The following DSCAML1 variants were observed in gnomAD, a reference collection of about 807,000 sequenced individuals.
DSCAML1 encodes cell adhesion molecule DSCAML1.
DSCAML1 carries 38 observed loss-of-function variants against 200.5 expected under a neutral mutation model. That is an observed-to-expected ratio of 0.19 (90% CI 0.15 to 0.25). The LOEUF (loss-of-function observed/expected upper bound fraction) is 0.25, where lower values mean the gene tolerates loss of function less well. DSCAML1 is among the 10% of genes least tolerant of loss of function. DSCAML1 has a pLI of 1.00. For missense variants in DSCAML1, 2,223 were observed against 2,858.8 expected (o/e 0.78, Z 5.07); for synonymous variants, 1,215 against 1,165.0 (o/e 1.04, Z -0.87).
At chr11:117,593,056 G>A (rs970587128) in intron 3 of DSCAML1, among the ~76,000 whole-genome samples, 1 of 152,272 alleles carries the variant, frequency 6.6e-6, no homozygotes, top group African/African-American at 2.4e-5. Context: ...ATCTGGCACA[G>A]TTCCTGGCAC....
chr11:117,711,548 T>C (rs6589619), intron 3 of DSCAML1, among the ~76,000 whole-genome samples: 125,687 of 152,182 alleles, frequency 0.83, 54,056 homozygotes, highest in Non-Finnish European at 0.94. Flanking sequence ...ACCGGGGACA[T>C]GTCTGGCAGT....
At chr11:117,716,487 C>T (rs371161100) in intron 3 of DSCAML1, among the ~76,000 whole-genome samples, 2 of 152,182 alleles carry the variant, frequency 1.3e-5, no homozygotes, top group Non-Finnish European at 2.9e-5. Context: ...GTCCCTGAGA[C>T]ACACTGTAGC....
At chr11:117,689,796 C>A (rs951821169) in intron 3 of DSCAML1, among the ~76,000 whole-genome samples, 1 of 152,234 alleles carries the variant, frequency 6.6e-6, no homozygotes, top group African/African-American at 2.4e-5. Flanking sequence ...TCACATTCTC[C>A]TGGAGGATAG....
intron 1 of DSCAML1, among the ~76,000 whole-genome samples, chr11:117,814,351 A>T (rs1314416043): frequency 6.6e-6 from 1 of 152,222 alleles, no homozygotes; most frequent in Non-Finnish European, 1.5e-5. Context: ...ATAATTGGCT[A>T]AGCCAGGGCT....
chr11:117,657,466 T>C (rs545284244), intron 3 of DSCAML1, among the ~76,000 whole-genome samples: 1 of 152,374 alleles, frequency 6.6e-6, no homozygotes, highest in African/African-American at 2.4e-5. Context: ...GTGTCTCTCC[T>C]GCCACAAGTC....
intron 4 of DSCAML1, among the ~76,000 whole-genome samples, chr11:117,531,935 G>GGGA (rs2050085715): frequency 1.1e-5 from 1 of 95,214 alleles, no homozygotes; most frequent in Non-Finnish European, 2.2e-5. Context: ...GAAGGGAGGA[G>GGGA]GGAGGAGGGA....
chr11:117,643,759 A>G (rs965754729), intron 3 of DSCAML1, among the ~76,000 whole-genome samples: 22 of 152,100 alleles, frequency 1.4e-4, no homozygotes, highest in African/African-American at 5.3e-4. Context: ...TCTCGCCACC[A>G]GCACTTATAC....
rs2052388695 is a variant in DSCAML1, at chr11:117,640,685, C to CT, written c.512-108164_512-108163insA. Among the ~76,000 whole-genome samples the CT allele has an allele frequency of 2.0e-5, 3 of 152,204 alleles. No individual in the cohort carries two copies. In the South Asian group the frequency reaches 6.2e-4, roughly 31 times the overall value. On this transcript the variant is annotated intron_variant, in intron 3 of 32. Coordinates refer to ENST00000651296, the MANE Select transcript of DSCAML1 (RefSeq NM_020693.4). ...CATGGTCCAAATCACCATTTTCTTT[C>CT]ACGTGGTGCTTGCAAACGCCTCTTC...
chr11:117,676,444 T>C (rs115472906), intron 3 of DSCAML1, among the ~76,000 whole-genome samples: 1,568 of 152,286 alleles, frequency 0.01, 25 homozygotes, highest in African/African-American at 0.035. Context: ...CTGGGAGATA[T>C]CTGGTTTCTC....
intron 3 of DSCAML1, among the ~76,000 whole-genome samples, chr11:117,732,905 A>G (rs1437681352): frequency 6.6e-6 from 1 of 152,164 alleles, no homozygotes; most frequent in Admixed American, 6.5e-5. Context: ...ATAATAACAA[A>G]AAAAAATTAT....
intron 5 of DSCAML1, among the ~76,000 whole-genome samples, 156 bp from the exon 6 acceptor site, chr11:117,521,561 C>A (rs1050379327): frequency 1.3e-5 from 2 of 152,266 alleles, no homozygotes; most frequent in African/African-American, 4.8e-5. Flanking sequence ...CTGGGGAATT[C>A]CTTACTCTAG....
intron 3 of DSCAML1, among the ~76,000 whole-genome samples, chr11:117,577,495 T>C (rs1242060882): frequency 6.3e-5 from 2 of 31,944 alleles, no homozygotes; most frequent in Non-Finnish European, 1.4e-4. Flanking sequence ...CCTTCCTTCC[T>C]TCCTTCCTTC....
chr11:117,481,078 G>A (rs2048905549), intron 13 of DSCAML1, 96 bp downstream of exon 13: 2 of 1,187,110 alleles, frequency 1.7e-6, no homozygotes, highest in Non-Finnish European at 2.5e-6. Flanking sequence ...CTCCACCATG[G>A]CGTAGGCTGT....
intron 11 of DSCAML1, among the ~76,000 whole-genome samples, chr11:117,495,545 G>C (rs866162722): frequency 6.6e-6 from 1 of 152,104 alleles, no homozygotes; most frequent in Non-Finnish European, 1.5e-5. Context: ...CCAATCACAC[G>C]AGTCATGAGT....
intron 20 of DSCAML1, among the ~76,000 whole-genome samples, chr11:117,448,556 T>G: frequency 7.0e-6 from 1 of 142,660 alleles, no homozygotes; most frequent in Admixed American, 7.5e-5. Context: ...GGGGCAAAGG[T>G]GTGGAGGTGT....
chr11:117,552,238 T>C (rs548294636), intron 3 of DSCAML1, among the ~76,000 whole-genome samples: 31 of 152,154 alleles, frequency 2.0e-4, no homozygotes, highest in African/African-American at 7.5e-4. Context: ...CCTTGACAAT[T>C]GTCTCAACAG....
upstream of DSCAML1, among the ~76,000 whole-genome samples, chr11:117,799,584 G>A (rs1324019139): frequency 6.6e-6 from 1 of 152,216 alleles, no homozygotes; most frequent in Non-Finnish European, 1.5e-5. Flanking sequence ...TAAACGGGTG[G>A]TCAGTTGGGG....
At chr11:117,571,550 G>T (rs757650163) in intron 3 of DSCAML1, among the ~76,000 whole-genome samples, 2 of 152,176 alleles carry the variant, frequency 1.3e-5, no homozygotes, top group Non-Finnish European at 2.9e-5. Flanking sequence ...GGAAGAACCT[G>T]CCCTGGAGCC....
At chr11:117,792,366 T>C (rs2055484348) in intron 1 of DSCAML1, among the ~76,000 whole-genome samples, 1 of 152,058 alleles carries the variant, frequency 6.6e-6, no homozygotes, top group Non-Finnish European at 1.5e-5. Flanking sequence ...CACTGCAGCA[T>C]CCCAGCTGGC....
Sources: gnomAD v4.1 joint callset for allele counts (sites outside exome capture counted in the v4.1 genomes callset) on GRCh38, gnomAD v4.1.1 for gene constraint, MANE v1.5 for transcripts, NCBI Gene and HGNC (gene_info 2026-07-23, HGNC 2026-07-21) for gene names.